Variants in CNTN4 observed in about 807,000 individuals in gnomAD.
CNTN4 encodes the protein contactin-4.
In CNTN4, 77 loss-of-function variants were observed where a neutral mutation model predicts 122.5. That is an observed-to-expected ratio of 0.63 (90% CI 0.52 to 0.76). The LOEUF is 0.76. Ranked by LOEUF, CNTN4 falls within the 30% of genes least tolerant of loss-of-function variation. The pLI, the probability that CNTN4 is intolerant of heterozygous loss-of-function variation, is 0.00. For synonymous variants in CNTN4, 512 were observed against 447.0 expected (o/e 1.15, Z -1.83); for missense variants, 1,256 against 1,259.1 (o/e 1.00, Z 0.04).
At chr3:2,830,882 G>A (rs997751886) in intron 7 of CNTN4, among the ~76,000 whole-genome samples, 5 of 152,158 alleles carry the variant, frequency 3.3e-5, no homozygotes, top group African/African-American at 1.2e-4. Context: ...GGATAATGAT[G>A]CAGTACATAG....
At chr3:3,024,410 A>T (rs1698559134) in intron 14 of CNTN4, among the ~76,000 whole-genome samples, 1 of 142,326 alleles carries the variant, frequency 7.0e-6, no homozygotes, top group Non-Finnish European at 1.5e-5. Flanking sequence ...AAAAAAAAAC[A>T]ACTTCATCAC....
intron 12 of CNTN4, among the ~76,000 whole-genome samples, chr3:2,921,040 C>T (rs2094424707): frequency 6.6e-6 from 1 of 152,106 alleles, no homozygotes; most frequent in Non-Finnish European, 1.5e-5. Context: ...AATAAGAGAG[C>T]ACTGACTTGT....
In CNTN4 at chr3:2,385,161, T is replaced by C. The variant is rs1389536160; in HGVS notation, c.-89+45928T>C. Among the ~76,000 whole-genome samples the C allele has an allele frequency of 6.6e-6, 1 of 152,204 alleles. No individual in the cohort carries two copies. Among genetic ancestry groups the C allele is most frequent in the Non-Finnish European group, 1.5e-5 (1 of 68,028 alleles). On this transcript the variant is annotated intron_variant, in intron 3 of 24. Transcript: ENST00000418658. This position sits in a 1 kb window ranked among gnomAD's most constrained non-coding sequence, Gnocchi z 4.0. The stretch of plus-strand genomic sequence containing the variant: ...ATTTTCTACTTTAAACCATAATCCA[T>C]AACTCATATCAACAAGGTTAATCCC...
chr3:2,849,073 G>A lies in CNTN4; in HGVS notation c.455-17679G>A, dbSNP rs545769648. ...GGGTTGCACCCCAGGATCCCATCCC[G>A]AAGAGTTATTTCTAGATGTGAGAGG... On this transcript the variant is annotated intron_variant, in intron 7 of 24. Coordinates refer to ENST00000418658, the MANE Select transcript of CNTN4 (RefSeq NM_175607.3). 3.1e-4 allele frequency among the ~76,000 whole-genome samples: 47 copies of A among 152,298 alleles called. No homozygotes were observed. The South Asian group carries it at 4.4e-3, about 14-fold the overall frequency.
chr3:2,154,357 G>T (rs4309711), intron 2 of CNTN4, among the ~76,000 whole-genome samples: 10,521 of 151,484 alleles, frequency 0.069, 577 homozygotes, highest in East Asian at 0.18. Context: ...ACTCCAGCCT[G>T]GGTGACAAAG....
chr3:2,792,466 G>A (rs934337982), intron 6 of CNTN4, among the ~76,000 whole-genome samples: 1 of 152,158 alleles, frequency 6.6e-6, no homozygotes, highest in Non-Finnish European at 1.5e-5. Flanking sequence ...TGTTTTTAAA[G>A]TATCTAAAAC....
Position 2,866,851 on chromosome 3 carries a change from A to T in CNTN4, c.554A>T (p.Glu185Val). The T allele has an allele frequency of 6.2e-7, 1 of 1,614,070 alleles. No homozygotes were observed. The highest frequency in any genetic ancestry group is 8.5e-7 in the Non-Finnish European group (1 of 1,179,944). ...ETGNLYIAKV[E>V]KSDVGNYTCV... ...GGGAATCTGTATATTGCCAAAGTAG[A>T]AAAATCAGATGTTGGGAATTATACC... Residue 185 changes from glutamate to valine, a missense_variant, in exon 8 of 25, where the codon GAA becomes GTA. Transcript: ENST00000418658.
At chr3:2,285,675 G>A (rs1294759556) in intron 2 of CNTN4, among the ~76,000 whole-genome samples, 1 of 152,002 alleles carries the variant, frequency 6.6e-6, no homozygotes, top group Non-Finnish European at 1.5e-5. Flanking sequence ...CAGAGCCAAG[G>A]TAATTAGTTT....
intron 3 of CNTN4, among the ~76,000 whole-genome samples, chr3:2,504,365 T>C (rs1042285632): frequency 2.0e-5 from 3 of 152,188 alleles, no homozygotes; most frequent in Non-Finnish European, 2.9e-5. Flanking sequence ...GGTTGATTAG[T>C]TGATATCGGC....
chr3:2,516,891 A>T (rs1460913488), intron 3 of CNTN4, among the ~76,000 whole-genome samples: 1 of 152,104 alleles, frequency 6.6e-6, no homozygotes, highest in Non-Finnish European at 1.5e-5. Flanking sequence ...ACCCTATATC[A>T]GTGGATAGAA....
chr3:2,171,231 C>T (rs1448318102), intron 2 of CNTN4, among the ~76,000 whole-genome samples: 5 of 152,114 alleles, frequency 3.3e-5, no homozygotes, highest in Non-Finnish European at 7.4e-5. Flanking sequence ...AAATGATTTG[C>T]TCTTACCAAA....
chr3:2,698,028 C>T (rs371130500), intron 4 of CNTN4, among the ~76,000 whole-genome samples: 63 of 152,262 alleles, frequency 4.1e-4, no homozygotes, highest in African/African-American at 1.3e-3. Context: ...TAAATGGGTA[C>T]GATAGCCAAG....
At chr3:2,360,028 A>G (rs1397695606) in intron 3 of CNTN4, among the ~76,000 whole-genome samples, 1 of 152,190 alleles carries the variant, frequency 6.6e-6, no homozygotes, top group Admixed American at 6.5e-5. Context: ...GAAGGAAAAA[A>G]CTACCAGGCA....
At chr3:2,821,558 A>G (rs1414551496) in intron 7 of CNTN4, among the ~76,000 whole-genome samples, 1 of 152,178 alleles carries the variant, frequency 6.6e-6, no homozygotes, top group Non-Finnish European at 1.5e-5. Flanking sequence ...GAAAAATCAA[A>G]TATTTTACGC....
intron 7 of CNTN4, among the ~76,000 whole-genome samples, chr3:2,827,434 T>G (rs576908890): frequency 6.6e-6 from 1 of 152,376 alleles, no homozygotes; most frequent in East Asian, 1.9e-4. Context: ...TGGGTTTGAT[T>G]GTTTTCATTT....
chr3:2,555,628 C>T (rs910292781), intron 3 of CNTN4, among the ~76,000 whole-genome samples: 1 of 152,076 alleles, frequency 6.6e-6, no homozygotes, highest in African/African-American at 2.4e-5. Context: ...AAGCTAATCA[C>T]AGAAGGGAAG....
intron 10 of CNTN4, among the ~76,000 whole-genome samples, chr3:2,895,835 C>G (rs570372809): frequency 1.8e-4 from 28 of 152,240 alleles, no homozygotes; most frequent in African/African-American, 6.7e-4. Context: ...GAGATCGAGA[C>G]CATCCTGGCT....
intron 3 of CNTN4, among the ~76,000 whole-genome samples, chr3:2,570,351 T>A (rs2149486223): frequency 6.6e-6 from 1 of 151,922 alleles, no homozygotes; most frequent in Admixed American, 6.6e-5. Flanking sequence ...TTTTTAAAAA[T>A]TTTCCGTAAA....
intron 13 of CNTN4, among the ~76,000 whole-genome samples, chr3:2,941,141 T>A (rs2094610977): frequency 6.6e-6 from 1 of 152,160 alleles, no homozygotes; most frequent in Admixed American, 6.5e-5. Flanking sequence ...CCTTTCTCAT[T>A]TTCTCAAGGA....
Sources: allele counts gnomAD v4.1 joint callset (sites outside exome capture counted in the v4.1 genomes callset), GRCh38; gene constraint gnomAD v4.1.1; non-coding constraint Gnocchi (gnomAD v3.1); transcripts MANE v1.5; gene names NCBI Gene and HGNC (gene_info 2026-07-23, HGNC 2026-07-21).